COA1: variants seen among roughly 807,000 people sequenced by gnomAD.
The protein encoded by COA1 is cytochrome c oxidase assembly factor 1.
COA1 carries 13 observed loss-of-function variants against 16.0 expected under a neutral mutation model. The ratio of observed to expected loss-of-function variants is 0.81; its 90% confidence interval spans 0.53 to 1.29. The LOEUF (loss-of-function observed/expected upper bound fraction) is 1.29, where lower values mean the gene tolerates loss of function less well. COA1 is among the 50% of genes most tolerant of loss of function. The pLI is 0.00. For missense variants in COA1, 179 were observed against 177.0 expected, an observed-to-expected ratio of 1.01 and a Z score of -0.06; for synonymous variants, 65 against 65.7, an observed-to-expected ratio of 0.99 and a Z score of 0.05.
chr7:43,626,148 A>G (rs2084510859), intron 6 of COA1: 1 of 151,660 alleles, frequency 6.6e-6, no homozygotes, highest in Admixed American at 6.6e-5. Flanking sequence ...TACCGTGGCC[A>G]TGCCTCGCTC....
intron 4 of COA1, among the ~76,000 whole-genome samples, chr7:43,642,390 C>A (rs2087410529): frequency 1.3e-5 from 2 of 152,278 alleles, no homozygotes; most frequent in South Asian, 2.1e-4. Context: ...GTGGAGGCTG[C>A]AGTGTGCCAA....
chr7:43,713,532 T>C (rs867879325), intron 1 of COA1, among the ~76,000 whole-genome samples: 13 of 152,230 alleles, frequency 8.5e-5, no homozygotes, highest in Admixed American at 6.5e-4. Context: ...TAGTCCTTTA[T>C]AGAGCATCCT....
chr7:43,649,157 A>C (rs2153101570), intron 1 of COA1: 1 of 152,604 alleles, frequency 6.6e-6, no homozygotes, highest in African/African-American at 2.4e-5. Flanking sequence ...TATTCTAAGC[A>C]CTTTATATAA....
chr7:43,633,807 T>G (rs1346690022), intron 6 of COA1, among the ~76,000 whole-genome samples: 4 of 152,200 alleles, frequency 2.6e-5, no homozygotes, highest in Non-Finnish European at 4.4e-5. Flanking sequence ...CTCAGCCATT[T>G]TTTTTTTCAA....
chr7:43,626,209 A>G (rs2108411), intron 6 of COA1: 107,729 of 152,120 alleles, frequency 0.71, 38,652 homozygotes, highest in African/African-American at 0.84. Flanking sequence ...TTAGGGTGTC[A>G]CACAAAGCTC....
chr7:43,627,212 TTTGA>T (rs1379743838), intron 6 of COA1, among the ~76,000 whole-genome samples: 18 of 152,210 alleles, frequency 1.2e-4, no homozygotes, highest in African/African-American at 3.4e-4. Flanking sequence ...GGAAATGATA[TTTGA>T]TTGATCTTGT....
intron 1 of COA1, among the ~76,000 whole-genome samples, chr7:43,652,774 T>C (rs1199729640): frequency 6.6e-6 from 1 of 151,978 alleles, no homozygotes; most frequent in Non-Finnish European, 1.5e-5. Context: ...GGAGAGATGG[T>C]TCTTCCCTAT....
intron 1 of COA1, among the ~76,000 whole-genome samples, chr7:43,671,852 C>T (rs1402439259): frequency 6.6e-6 from 1 of 152,108 alleles, no homozygotes; most frequent in Non-Finnish European, 1.5e-5. Flanking sequence ...ACTGCTTGCA[C>T]TCATTCTCTC....
chr7:43,626,241 A>G (rs1047012430), intron 6 of COA1: 1 of 152,222 alleles, frequency 6.6e-6, no homozygotes, highest in East Asian at 1.9e-4. Context: ...TGGTTTCTCA[A>G]CTGTCAAAAT....
At chr7:43,617,155 C>T (rs2083434150) in intron 6 of COA1, among the ~76,000 whole-genome samples, 1 of 152,084 alleles carries the variant, frequency 6.6e-6, no homozygotes, top group Non-Finnish European at 1.5e-5. Context: ...GGGATCATGG[C>T]ATATGATGAG....
chr7:43,680,283 C>CAAAAAAA (rs552891478), intron 1 of COA1, among the ~76,000 whole-genome samples: 4 of 73,002 alleles, frequency 5.5e-5, no homozygotes, highest in Non-Finnish European at 6.0e-5. Flanking sequence ...GACAGGGAGA[C>CAAAAAAA]AAAAAAAAAA....
At chr7:43,708,395 A>G (rs1276038876) in intron 1 of COA1, among the ~76,000 whole-genome samples, 10 of 152,114 alleles carry the variant, frequency 6.6e-5, no homozygotes, top group Non-Finnish European at 1.2e-4. Context: ...TGGGAGGTCA[A>G]GACTGCAGTG....
At chr7:43,696,703 G>A (rs2094539132) in intron 1 of COA1, among the ~76,000 whole-genome samples, 1 of 152,086 alleles carries the variant, frequency 6.6e-6, no homozygotes, top group East Asian at 1.9e-4. Flanking sequence ...ATACATATGT[G>A]TGTGTATATA....
chr7:43,624,625 T>C, intron 6 of COA1: 1 of 1,614,070 alleles, frequency 6.2e-7, no homozygotes, highest in South Asian at 1.1e-5. Flanking sequence ...GCAAATGCCC[T>C]CCAAGAAGGT....
chr7:43,639,084 C>CT (rs1285054403), downstream of COA1: 2 of 152,300 alleles, frequency 1.3e-5, no homozygotes, highest in African/African-American at 4.8e-5. Context: ...CCACAAGCTA[C>CT]TTAACAACAT....
In COA1 at chr7:43,646,473, C is replaced by T. The variant is rs146255591; in HGVS notation, c.115+1062G>A. The T allele has an allele frequency of 9.3e-4, 407 of 438,212 alleles. 13 individuals carry two copies. The East Asian group carries it at 0.022, about 24-fold the overall frequency. The allele number at this position is 438,212 out of a possible 1,614,324, so 27.1% of individuals were successfully genotyped here. ...AGGTAACTAATGCCCAGAAAGGTGA[C>T]GGACTCCCCCATAAGGCCACATAGC... On this transcript the variant is annotated intron_variant, in intron 3 of 5. Transcript: ENST00000223336.
intron 1 of COA1, among the ~76,000 whole-genome samples, chr7:43,673,609 G>A (rs1192262497): frequency 4.6e-5 from 7 of 152,208 alleles, no homozygotes; most frequent in Admixed American, 4.6e-4. Flanking sequence ...ACGCAAAGCA[G>A]AATTACCATT....
intron 1 of COA1, among the ~76,000 whole-genome samples, chr7:43,695,793 T>G (rs2094507193): frequency 6.6e-6 from 1 of 152,200 alleles, no homozygotes; most frequent in Admixed American, 6.5e-5. Context: ...ACAGAACAAT[T>G]TGGCAATACT....
chr7:43,620,597 C>T (rs2083781472), intron 6 of COA1, among the ~76,000 whole-genome samples: 1 of 151,542 alleles, frequency 6.6e-6, no homozygotes, highest in African/African-American at 2.4e-5. Flanking sequence ...TGGCGTGAAC[C>T]TGGGAGGCGG....
Sources: allele counts gnomAD v4.1 joint callset (sites outside exome capture counted in the v4.1 genomes callset), GRCh38; gene constraint gnomAD v4.1.1; transcripts MANE v1.5; gene names NCBI Gene and HGNC (gene_info 2026-07-23, HGNC 2026-07-21).